The following PLEKHG6 variants were observed in gnomAD, a reference collection of about 807,000 sequenced individuals.
PLEKHG6 encodes the protein pleckstrin homology and RhoGEF domain containing G6, also known as pleckstrin homology domain-containing family G member 6.
A neutral mutation model predicts 97.5 loss-of-function variants in PLEKHG6; 91 were observed. The observed-to-expected ratio is 0.93, with a 90% CI of 0.79 to 1.11. The LOEUF (loss-of-function observed/expected upper bound fraction) is 1.11, where lower values mean the gene tolerates loss of function less well. Among genes scored for constraint, PLEKHG6 ranks in the 50% most tolerant of loss-of-function variants. The pLI, the probability that PLEKHG6 is intolerant of heterozygous loss-of-function variation, is 0.00. For synonymous variants in PLEKHG6, 466 were observed against 425.5 expected, an observed-to-expected ratio of 1.10 and a Z score of -1.17; for missense variants, 1,044 against 1,031.0, an observed-to-expected ratio of 1.01 and a Z score of -0.17.
intron 11 of PLEKHG6, 70 bp downstream of exon 11, chr12:6,318,490 A>G: frequency 6.6e-7 from 1 of 1,518,712 alleles, no homozygotes; most frequent in Non-Finnish European, 8.9e-7. Context: ...GAAACGCCGG[A>G]AGTGGGAGAA....
At chr12:6,311,772 C>T (rs1187416828) in intron 1 of PLEKHG6, among the ~76,000 whole-genome samples, 1 of 146,398 alleles carries the variant, frequency 6.8e-6, no homozygotes, top group Non-Finnish European at 1.5e-5. Flanking sequence ...CAGCTTTTTC[C>T]CAAGCTTTAT....
chr12:6,318,185 C>G, intron 10 of PLEKHG6, 116 bp from the exon 11 acceptor site: 1 of 1,526,816 alleles, frequency 6.5e-7, no homozygotes, highest in Non-Finnish European at 8.9e-7. Context: ...TTTCTCTAGC[C>G]CATGGGGGAA....
chr12:6,327,938 G>A lies in PLEKHG6; in HGVS notation c.2355G>A (p.Leu785=), dbSNP rs1401241748. 1.3e-6 allele frequency: 2 copies of A among 1,491,082 alleles called. No individual in the cohort carries two copies. Among genetic ancestry groups the A allele is most frequent in the Admixed American group, 4.8e-5 (2 of 41,240 alleles). The allele number at this position is 1,491,082 out of a possible 1,614,324, so 92.4% of individuals were successfully genotyped here. The change falls in exon 15 of 16, where the codon CTG becomes CTA. Residue 785 remains leucine (L), a synonymous_variant. Transcript: ENST00000684764. ...GPHIIQLDTP[L]SASEV ...ACATCATTCAGCTGGACACCCCTCT[G>A]TCCGCATCGTAAGTGCTGGAGGGAA...
At chr12:6,323,095 T>C (rs1052506145) in intron 13 of PLEKHG6, among the ~76,000 whole-genome samples, 2 of 152,100 alleles carry the variant, frequency 1.3e-5, no homozygotes, top group African/African-American at 4.8e-5. Flanking sequence ...TGGTTTTTAG[T>C]CACAGAACAA....
rs1947910520 is a variant in PLEKHG6 at position 6,327,621 on chromosome 12, G to A, written c.2038G>A (p.Val680Met). 5.1e-6 allele frequency: 8 copies of A among 1,578,054 alleles called. No homozygotes were observed. The highest frequency in any genetic ancestry group is 6.9e-6 in the Non-Finnish European group (8 of 1,161,480). The change falls in exon 15 of 16, where the codon GTG becomes ATG. Residue 680 changes from valine to methionine, a missense_variant. Val to Met is a conservative substitution (Grantham distance 21). Transcript: ENST00000684764. ...EEDGASERGNVVVETLHRARL... is the reference protein window; with the variant it reads ...EEDGASERGNMVVETLHRARL... The stretch of plus-strand genomic sequence containing the variant: ...AGATGGGGCCTCCGAGCGAGGGAAT[G>A]TGGTGGTGGAAACACTCCACAGGGC...
At position 6,315,288 on chromosome 12, in the gene PLEKHG6, C is replaced by T. The variant is rs901336847; in HGVS notation, c.459+119C>T. 7.6e-6 allele frequency: 8 copies of T among 1,055,876 alleles called. No individual in the cohort carries two copies. Among genetic ancestry groups the T allele is most frequent in the South Asian group, 6.6e-5 (4 of 60,802 alleles). 65.4% of individuals were successfully genotyped at this position (1,055,876 alleles called of 1,614,324 possible). A position where few individuals can be genotyped will look rare whatever the true frequency, so the allele number is the denominator to read the frequency against. On this transcript the variant is annotated intron_variant, in intron 4 of 15. Coordinates refer to ENST00000684764, the MANE Select transcript of PLEKHG6 (RefSeq NM_001384598.1). This position sits in a 1 kb window ranked among gnomAD's most constrained non-coding sequence, Gnocchi z 4.5. ...GTCATGTGGAAAAAACATCTGGAAA[C>T]GCGTTGATCTGGGTTCAGATCCCAG...
chr12:6,322,866 G>GT (rs1237474553), intron 13 of PLEKHG6, among the ~76,000 whole-genome samples: 5 of 152,032 alleles, frequency 3.3e-5, no homozygotes, highest in African/African-American at 9.7e-5. Flanking sequence ...AGACAACAGG[G>GT]TGAGACCTTG....
Position 6,316,239 on chromosome 12 carries a change from C to T in PLEKHG6, c.607-16C>T, listed in dbSNP as rs1388218209. ...CCTTCCAAAAGTGTGCTGCTCAGCT[C>T]TGCTCCCTCCTCCAGGTGTCAGCTG... On this transcript the variant is annotated splice_polypyrimidine_tract_variant and intron_variant, in intron 6 of 15. Transcript: ENST00000684764. The surrounding 1 kb of genome is among the most constrained non-coding windows in gnomAD (Gnocchi z 4.1). The T allele has an allele frequency of 6.5e-7, 1 of 1,545,708 alleles. No homozygotes were observed. Among genetic ancestry groups the T allele is most frequent in the Non-Finnish European group, 8.7e-7 (1 of 1,143,142 alleles).
Position 6,312,591 on chromosome 12 carries a change from G to A in PLEKHG6, c.138+227G>A, listed in dbSNP as rs1025039748. 4.8e-5 allele frequency: 62 copies of A among 1,294,148 alleles called. No homozygotes were observed. In the Middle Eastern group the frequency reaches 1.1e-3, roughly 24 times the overall value. The allele number at this position is 1,294,148 out of a possible 1,614,324, so 80.2% of individuals were successfully genotyped here. A position where few individuals can be genotyped will look rare whatever the true frequency, so the allele number is the denominator to read the frequency against. ...GGCAGGAGAGGCGGAGCCAGGAGAA[G>A]CCAGGCCCTCCGAGGAGTGCTGTTA... On this transcript the variant is annotated intron_variant, in intron 2 of 15. Coordinates refer to ENST00000684764, the MANE Select transcript of PLEKHG6 (RefSeq NM_001384598.1).
Position 6,328,204 on chromosome 12 carries a change from C to T in PLEKHG6, c.*59C>T. On this transcript the variant is annotated 3_prime_UTR_variant, in exon 16 of 16. Transcript: ENST00000684764. The stretch of plus-strand genomic sequence containing the variant: ...CAGAGGAGATCTCTCCCCAGTAGTG[C>T]TGGTCACCCTCCGGCATCTGTGACT... 1 of 1,549,612 alleles carries T rather than the reference C, an allele frequency of 6.5e-7. No individual in the cohort carries two copies. The highest frequency in any genetic ancestry group is 1.1e-5 in the South Asian group (1 of 89,072).
In PLEKHG6 at chr12:6,327,648, C is replaced by G. The variant is rs149885168; in HGVS notation, c.2065C>G (p.Arg689Gly). The G allele has an allele frequency of 5.3e-5, 82 of 1,559,772 alleles. No individual in the cohort carries two copies. Among genetic ancestry groups the G allele is most frequent in the Non-Finnish European group, 1.7e-5 (20 of 1,148,040 alleles). ...GGTGGTGGAAACACTCCACAGGGCCCGGCTTCGGGGCCAGCTTCCCTCCTC... is the reference window on the plus strand; with the variant it reads ...GGTGGTGGAAACACTCCACAGGGCCGGGCTTCGGGGCCAGCTTCCCTCCTC... The part of the protein sequence containing the change: ...NVVVETLHRA[R>G]LRGQLPSSPT... Residue 689 changes from arginine (R) to glycine (G), a missense_variant, in exon 15 of 16, where the codon CGG (arginine) becomes GGG (glycine). Physicochemically the swap from Arg to Gly is moderately radical, Grantham distance 125 (BLOSUM62 -2). Coordinates refer to ENST00000684764, the MANE Select transcript of PLEKHG6 (RefSeq NM_001384598.1).
intron 10 of PLEKHG6, 27 bp downstream of exon 10, chr12:6,318,021 G>C: frequency 6.4e-7 from 1 of 1,565,216 alleles, no homozygotes; most frequent in Non-Finnish European, 8.7e-7. Context: ...AAGGGACCCA[G>C]GAAAAGCAAG....
rs1044400033 is a variant in PLEKHG6 at position 6,327,538 on chromosome 12, G to A, written c.1955G>A (p.Gly652Glu). ...CGAAGCGCCCCCGAACTGCCGGAAG[G>A]AATCCTAAAAGGAGGCAGTCTTCCC... ...QRRSAPELPE[G>E]ILKGGSLPQE... Residue 652 changes from glycine to glutamate, a missense_variant, in exon 15 of 16, where the codon GGA (glycine) becomes GAA (glutamate). Transcript: ENST00000684764. 2.5e-6 allele frequency: 4 copies of A among 1,594,202 alleles called. No homozygotes were observed. Among genetic ancestry groups the A allele is most frequent in the Non-Finnish European group, 3.4e-6 (4 of 1,169,348 alleles).
At chr12:6,312,474 C>T in intron 2 of PLEKHG6, 110 bp downstream of exon 2, 1 of 1,263,908 alleles carries the variant, frequency 7.9e-7, no homozygotes, top group Non-Finnish European at 1.1e-6. Flanking sequence ...ATTCCTGCCC[C>T]TTACCCTACT....
At chr12:6,326,690 G>A (rs1369982818) in intron 14 of PLEKHG6, 117 bp downstream of exon 14, 25 of 953,950 alleles carry the variant, frequency 2.6e-5, no homozygotes, top group Middle Eastern at 6.9e-4. Flanking sequence ...GAACGCAGGC[G>A]TAGGGCAGGG....
chr12:6,316,155 G>T lies in PLEKHG6; in HGVS notation c.607-100G>T. 1 of 1,209,826 alleles carries T rather than the reference G, an allele frequency of 8.3e-7. No individual in the cohort carries two copies. The highest frequency in any genetic ancestry group is 1.1e-6 in the Non-Finnish European group (1 of 880,792). 74.9% of individuals were successfully genotyped at this position (1,209,826 alleles called of 1,614,324 possible). On this transcript the variant is annotated intron_variant, in intron 6 of 15. Transcript: ENST00000684764. The surrounding 1 kb of genome is among the most constrained non-coding windows in gnomAD (Gnocchi z 4.1). ...GCCCAGTTCATCCTTCTTCACCCCCGCCCCTGCTGTCCAAGCTTAAGGTCC... is the reference window on the plus strand; with the variant it reads ...GCCCAGTTCATCCTTCTTCACCCCCTCCCCTGCTGTCCAAGCTTAAGGTCC...
chr12:6,327,685 C>T lies in PLEKHG6; in HGVS notation c.2102C>T (p.Ala701Val), dbSNP rs934449411. The change falls in exon 15 of 16, where the codon GCT becomes GTT. Residue 701 changes from alanine (A) to valine (V), a missense_variant. Ala to Val is a moderately conservative substitution (Grantham distance 64). Transcript: ENST00000684764. ...RGQLPSSPTH[A>V]DSAGESPWES... ...CAGCTTCCCTCCTCCCCAACCCATG[C>T]TGACTCTGCCGGGGAAAGCCCCTGG... 2 of 1,562,504 alleles carry T rather than the reference C, an allele frequency of 1.3e-6. No individual in the cohort carries two copies. Among genetic ancestry groups the T allele is most frequent in the Admixed American group, 1.9e-5 (1 of 53,266 alleles).
chr12:6,327,672 TC>T lies in PLEKHG6; in HGVS notation c.2093del (p.Pro698GlnfsTer26). ...CCGGCTTCGGGGCCAGCTTCCCTCC[TC>T]CCCAACCCATGCTGACTCTGCCGGG... is the stretch of plus-strand genomic sequence containing the variant. ...RARLRGQLPS[S>X]PTHADSAGES... On this transcript the variant is annotated frameshift_variant, in exon 15 of 16. Coordinates refer to ENST00000684764, the MANE Select transcript of PLEKHG6 (RefSeq NM_001384598.1). LOFTEE classifies it high-confidence loss of function. 2 of 1,561,040 alleles carry T rather than the reference TC, an allele frequency of 1.3e-6. No homozygotes were observed. The highest frequency in any genetic ancestry group is 1.9e-5 in the Admixed American group (1 of 53,950).
Position 6,315,679 on chromosome 12 carries a change from C to T in PLEKHG6, c.555+30C>T. 5 of 1,421,734 alleles carry T rather than the reference C, an allele frequency of 3.5e-6. No individual in the cohort carries two copies. The South Asian group carries it at 6.3e-5, about 18-fold the overall frequency. The allele number at this position is 1,421,734 out of a possible 1,614,324, so 88.1% of individuals were successfully genotyped here. On this transcript the variant is annotated intron_variant, in intron 5 of 15. Coordinates refer to ENST00000684764, the MANE Select transcript of PLEKHG6 (RefSeq NM_001384598.1). This position sits in a 1 kb window ranked among gnomAD's most constrained non-coding sequence, Gnocchi z 4.5. ...GCCCCCCTCAGCCCCAGCCCCGGCC[C>T]CATCTTCCCTGCATGAGCCCCCATC...
Sources: allele counts gnomAD v4.1 joint callset (sites outside exome capture counted in the v4.1 genomes callset), GRCh38; gene constraint gnomAD v4.1.1; non-coding constraint Gnocchi (gnomAD v3.1); transcripts MANE v1.5; gene names NCBI Gene and HGNC (gene_info 2026-07-23, HGNC 2026-07-21).